TRPM3: variants seen among roughly 807,000 people sequenced by gnomAD.
TRPM3 encodes the protein transient receptor potential cation channel subfamily M member 3.
A neutral mutation model predicts 181.2 loss-of-function variants in TRPM3; 77 were observed. That is an observed-to-expected ratio of 0.42 (90% CI 0.35 to 0.51). The LOEUF (loss-of-function observed/expected upper bound fraction) is 0.51, where lower values mean the gene tolerates loss of function less well. Ranked by LOEUF, TRPM3 falls within the 20% of genes least tolerant of loss-of-function variation. TRPM3 has a pLI of 0.01. For synonymous variants in TRPM3, 745 were observed against 796.4 expected (o/e 0.94, Z 1.09); for missense variants, 1,759 against 2,196.7 (o/e 0.80, Z 3.98).
intron 9 of TRPM3, among the ~76,000 whole-genome samples, chr9:70,646,988 C>A (rs1409368859): frequency 2.0e-5 from 3 of 151,424 alleles, no homozygotes; most frequent in Non-Finnish European, 4.4e-5. Context: ...CAAGATTGAA[C>A]CAGGAAGAAA....
chr9:70,806,133 C>A (rs2131323361), intron 6 of TRPM3, among the ~76,000 whole-genome samples: 1 of 152,286 alleles, frequency 6.6e-6, no homozygotes, highest in Non-Finnish European at 1.5e-5. Flanking sequence ...GTTCTTCATT[C>A]TTCTGCCTGC....
intron 1 of TRPM3, among the ~76,000 whole-genome samples, chr9:71,373,153 T>C (rs1373482424): frequency 6.6e-6 from 1 of 152,106 alleles, no homozygotes; most frequent in Non-Finnish European, 1.5e-5. Context: ...TAGCACTACA[T>C]GCCCACATGA....
upstream of TRPM3, chr9:71,121,685 C>T (rs942805202): frequency 1.4e-5 from 15 of 1,079,054 alleles, no homozygotes; most frequent in East Asian, 1.2e-4. Flanking sequence ...GGAACCGGGG[C>T]CATTGCTTTG....
intron 1 of TRPM3, among the ~76,000 whole-genome samples, chr9:70,892,610 C>CAAAAA (rs5898170): frequency 2.5e-5 from 3 of 121,844 alleles, no homozygotes; most frequent in African/African-American, 5.6e-5. Context: ...CGTTTGACCT[C>CAAAAA]AAAAAAAAAA....
At chr9:70,563,672 G>A (rs1205906759) in intron 22 of TRPM3, among the ~76,000 whole-genome samples, 1 of 152,184 alleles carries the variant, frequency 6.6e-6, no homozygotes, top group African/African-American at 2.4e-5. Context: ...ACCTCACTGG[G>A]TCATGTAAAG....
chr9:71,208,296 A>G (rs1362375402), intron 1 of TRPM3, among the ~76,000 whole-genome samples: 1 of 152,198 alleles, frequency 6.6e-6, no homozygotes, highest in Non-Finnish European at 1.5e-5. Flanking sequence ...GGGAACAGCA[A>G]GAGTACAACT....
At position 71,185,132 on chromosome 9, in the gene TRPM3, T is replaced by C. The variant is rs201955133; in HGVS notation, c.183+261521A>G. Reference sequence around the variant, plus strand: ...CTCTTCAGTGAACTGGAGAGAACTCTTTAGGGTAAAAAAAGTGCTGTGGGG... The same window carrying C: ...CTCTTCAGTGAACTGGAGAGAACTCCTTAGGGTAAAAAAAGTGCTGTGGGG... On this transcript the variant is annotated intron_variant, in intron 1 of 24. Coordinates refer to the TRPM3 transcript ENST00000357533. Among the ~76,000 whole-genome samples the C allele has an allele frequency of 3.9e-5, 6 of 152,162 alleles. No individual in the cohort carries two copies. In the East Asian group the frequency reaches 9.7e-4, roughly 25 times the overall value.
At chr9:71,201,936 T>C (rs975783064) in intron 1 of TRPM3, among the ~76,000 whole-genome samples, 16 of 152,250 alleles carry the variant, frequency 1.1e-4, no homozygotes, top group Non-Finnish European at 1.9e-4. Context: ...TTTTCTGCTC[T>C]GTTTTTTCCC....
intron 1 of TRPM3, among the ~76,000 whole-genome samples, chr9:71,144,373 C>A (rs545856262): frequency 6.6e-6 from 1 of 152,168 alleles, no homozygotes; most frequent in Non-Finnish European, 1.5e-5. Context: ...ACAACCTGAT[C>A]TATCTCTGGT....
intron 1 of TRPM3, among the ~76,000 whole-genome samples, chr9:70,913,834 A>G (rs1024866147): frequency 2.0e-5 from 3 of 152,186 alleles, no homozygotes; most frequent in Non-Finnish European, 2.9e-5. Flanking sequence ...AAACATAAAA[A>G]TTGCTAAGCA....
intron 1 of TRPM3, among the ~76,000 whole-genome samples, chr9:70,984,494 C>G (rs370422908): frequency 2.0e-5 from 3 of 152,130 alleles, no homozygotes; most frequent in African/African-American, 7.2e-5. Flanking sequence ...AAGTGTCTTC[C>G]CATAAAACAG....
intron 1 of TRPM3, among the ~76,000 whole-genome samples, chr9:71,146,730 C>T (rs2075428093): frequency 6.6e-6 from 1 of 152,138 alleles, no homozygotes; most frequent in South Asian, 2.1e-4. Context: ...ACACCCATGA[C>T]CACAGCACAT....
chr9:71,422,287 T>C (rs906350689), intron 1 of TRPM3, among the ~76,000 whole-genome samples: 1 of 152,002 alleles, frequency 6.6e-6, no homozygotes, highest in African/African-American at 2.4e-5. Context: ...AAAAAGAAAA[T>C]AGTGTCTTAG....
At chr9:71,357,940 G>T (rs567630009) in intron 1 of TRPM3, among the ~76,000 whole-genome samples, 1 of 152,180 alleles carries the variant, frequency 6.6e-6, no homozygotes, top group South Asian at 2.1e-4. Context: ...GTCAAAATGG[G>T]CTTGATTGCT....
At chr9:71,251,892 CTCTCTA>C (rs1471889423) in intron 1 of TRPM3, among the ~76,000 whole-genome samples, 5 of 152,120 alleles carry the variant, frequency 3.3e-5, no homozygotes, top group African/African-American at 1.2e-4. Context: ...CATCCTTCTA[CTCTCTA>C]TCTCTGTGTG....
At chr9:70,673,044 G>C (rs1393170163) in intron 9 of TRPM3, among the ~76,000 whole-genome samples, 3 of 152,184 alleles carry the variant, frequency 2.0e-5, no homozygotes, top group African/African-American at 7.2e-5. Context: ...GTAAAGAAAA[G>C]TGGGTAGAAG....
intron 1 of TRPM3, among the ~76,000 whole-genome samples, chr9:71,318,697 G>A (rs961135092): frequency 5.9e-5 from 9 of 152,134 alleles, no homozygotes; most frequent in African/African-American, 2.2e-4. Flanking sequence ...ACAGGACGTT[G>A]AGAGTTAAAG....
At chr9:71,126,370 C>T (rs1732959158), upstream of TRPM3, among the ~76,000 whole-genome samples, 1 of 152,132 alleles carries the variant, frequency 6.6e-6, no homozygotes. Context: ...AATCATTTGT[C>T]TCATGAACTT....
At chr9:71,145,195 A>G (rs996375461) in intron 1 of TRPM3, among the ~76,000 whole-genome samples, 1 of 152,150 alleles carries the variant, frequency 6.6e-6, no homozygotes, top group Non-Finnish European at 1.5e-5. Context: ...CCTTTAGTCT[A>G]TTGTGAAGTC....
Sources: allele counts gnomAD v4.1 joint callset (sites outside exome capture counted in the v4.1 genomes callset), GRCh38; gene constraint gnomAD v4.1.1; transcripts MANE v1.5; gene names NCBI Gene and HGNC (gene_info 2026-07-23, HGNC 2026-07-21).